Variants in LIN54 observed in about 807,000 individuals in gnomAD.
LIN54 encodes the protein lin-54 DREAM MuvB core complex component.
LIN54 carries 9 observed loss-of-function variants against 78.7 expected under a neutral mutation model. The observed-to-expected ratio is 0.11, with a 90% CI of 0.07 to 0.20. The LOEUF is 0.20. Among genes scored for constraint, LIN54 ranks in the 10% least tolerant of loss-of-function variants. The pLI, the probability that LIN54 is intolerant of heterozygous loss-of-function variation, is 1.00. For synonymous variants in LIN54, 269 were observed against 318.4 expected, an observed-to-expected ratio of 0.84 and a Z score of 1.65; for missense variants, 573 against 889.9, an observed-to-expected ratio of 0.64 and a Z score of 4.53.
At position 82,939,746 on chromosome 4, in the gene LIN54, A is replaced by G. The variant is rs1374514857; in HGVS notation, c.1243-10T>C. 1 of 1,613,972 alleles carries G rather than the reference A, an allele frequency of 6.2e-7. No homozygotes were observed. On this transcript the variant is annotated splice_polypyrimidine_tract_variant and intron_variant, in intron 6 of 12. Transcript: ENST00000340417. ...TTGGTTTTGGAACAACCTAAAAAGA[A>G]GGGACATATATCAATGACCACAAAA...
At chr4:82,940,989 GCTA>G (rs934191578) in intron 5 of LIN54, among the ~76,000 whole-genome samples, 1 of 152,114 alleles carries the variant, frequency 6.6e-6, no homozygotes, top group Non-Finnish European at 1.5e-5. Flanking sequence ...TACAACTGCT[GCTA>G]CTATATAAAT....
At chr4:82,989,141 T>G (rs949317159) in intron 1 of LIN54, among the ~76,000 whole-genome samples, 2 of 151,130 alleles carry the variant, frequency 1.3e-5, no homozygotes, top group African/African-American at 4.9e-5. Flanking sequence ...TGAGCCAAGA[T>G]CACGTCACTG....
intron 11 of LIN54, among the ~76,000 whole-genome samples, chr4:82,932,611 G>A (rs28574986): frequency 0.42 from 61,774 of 148,692 alleles, 16,185 homozygotes; most frequent in Admixed American, 0.58. Flanking sequence ...CTGAGGTCCG[G>A]AGTTCAAGAC....
intron 1 of LIN54, among the ~76,000 whole-genome samples, chr4:83,003,838 A>T (rs1009689007): frequency 4.6e-5 from 7 of 151,862 alleles, no homozygotes; most frequent in East Asian, 1.9e-4. Flanking sequence ...ATTTTTTTTT[A>T]AAAAAGAAAG....
intron 11 of LIN54, among the ~76,000 whole-genome samples, chr4:82,932,155 C>A (rs534800199): frequency 7.2e-6 from 1 of 139,856 alleles, no homozygotes; most frequent in South Asian, 2.2e-4. Context: ...AGTGCAGTGG[C>A]GCGATCTCAG....
intron 11 of LIN54, among the ~76,000 whole-genome samples, chr4:82,933,908 G>A (rs779783401): frequency 2.6e-5 from 4 of 152,266 alleles, no homozygotes; most frequent in East Asian, 3.9e-4. Flanking sequence ...TGAAAGGGTC[G>A]CTTTACCCTT....
At chr4:83,006,464 G>C (rs1034143846) in intron 1 of LIN54, among the ~76,000 whole-genome samples, 1 of 132,182 alleles carries the variant, frequency 7.6e-6, no homozygotes, top group Non-Finnish European at 1.6e-5. Flanking sequence ...AAAAAAAAAA[G>C]AAAAAAAAAA....
intron 1 of LIN54, among the ~76,000 whole-genome samples, chr4:82,989,029 A>G (rs558699958): frequency 4.7e-4 from 71 of 152,218 alleles, no homozygotes; most frequent in South Asian, 8.3e-4. Context: ...TCTATTAAAA[A>G]TACAAAAAAT....
chr4:82,993,502 G>A (rs1008639492), intron 1 of LIN54, among the ~76,000 whole-genome samples: 4 of 151,994 alleles, frequency 2.6e-5, no homozygotes, highest in African/African-American at 9.7e-5. Context: ...ACAGCGGTGA[G>A]CCACCGCGCC....
chr4:82,983,007 GTT>G (rs66577460), intron 2 of LIN54, among the ~76,000 whole-genome samples: 178 of 116,942 alleles, frequency 1.5e-3, no homozygotes, highest in East Asian at 0.011. Flanking sequence ...TGCATTTCTT[GTT>G]TTTTTTTTTT....
chr4:83,004,825 C>G (rs1295261146), intron 1 of LIN54, among the ~76,000 whole-genome samples: 1 of 152,132 alleles, frequency 6.6e-6, no homozygotes, highest in African/African-American at 2.4e-5. Context: ...AAAACAACAT[C>G]ATCCATCACC....
At chr4:82,929,722 C>T (rs1165675534) in intron 12 of LIN54, among the ~76,000 whole-genome samples, 3 of 151,978 alleles carry the variant, frequency 2.0e-5, no homozygotes, top group Admixed American at 6.6e-5. Context: ...AGGAGAATTG[C>T]TTAAACCCAG....
intron 2 of LIN54, among the ~76,000 whole-genome samples, chr4:82,982,406 T>A (rs182512450): frequency 4.7e-4 from 72 of 152,200 alleles, no homozygotes; most frequent in Non-Finnish European, 9.0e-4. Context: ...TTTTTTGTAT[T>A]TTTGGTAGAA....
At chr4:82,933,307 T>C (rs1320688010) in intron 11 of LIN54, among the ~76,000 whole-genome samples, 4 of 150,880 alleles carry the variant, frequency 2.7e-5, no homozygotes, top group African/African-American at 9.7e-5. Flanking sequence ...AAGACATTAA[T>C]AGTGTCTAAC....
At position 82,926,916 on chromosome 4, in the gene LIN54, G is replaced by T. The variant is rs1721514718; in HGVS notation, c.*1186C>A. The T allele has an allele frequency of 6.6e-6, 1 of 152,214 alleles. No homozygotes were observed. The highest frequency in any genetic ancestry group is 1.5e-5 in the Non-Finnish European group (1 of 68,096). The allele number at this position is 152,214 out of a possible 1,614,324, so 9.4% of individuals were successfully genotyped here. Reference sequence around the variant, plus strand: ...TAATCCCAGCACTTTGGGAGGCCGAGGCGGGCGAATCACGAGGTCAGGAGA... The same window carrying T: ...TAATCCCAGCACTTTGGGAGGCCGATGCGGGCGAATCACGAGGTCAGGAGA... On this transcript the variant is annotated 3_prime_UTR_variant, in exon 13 of 13. Coordinates refer to ENST00000340417, the MANE Select transcript of LIN54 (RefSeq NM_194282.4).
intron 4 of LIN54, among the ~76,000 whole-genome samples, chr4:82,970,098 T>C (rs957820902): frequency 2.0e-5 from 3 of 152,242 alleles, no homozygotes; most frequent in African/African-American, 7.2e-5. Context: ...CACATTCATA[T>C]GGGCTATGGA....
intron 4 of LIN54, among the ~76,000 whole-genome samples, chr4:82,963,209 T>C (rs531789445): frequency 2.0e-5 from 3 of 152,258 alleles, no homozygotes; most frequent in Non-Finnish European, 4.4e-5. Context: ...ATCTTTAAAG[T>C]ACTCGCAGAA....
intron 4 of LIN54, among the ~76,000 whole-genome samples, chr4:82,961,609 T>C (rs72925247): frequency 0.016 from 2,444 of 152,230 alleles, 71 homozygotes; most frequent in African/African-American, 0.055. Context: ...TTGCATAGAC[T>C]CTCAAAAGTA....
intron 5 of LIN54, among the ~76,000 whole-genome samples, chr4:82,942,190 A>G (rs1334506398): frequency 6.6e-6 from 1 of 152,184 alleles, no homozygotes. Context: ...AAAGACAAAA[A>G]AGCTGAGAGT....
Sources: gnomAD v4.1 joint callset for allele counts (sites outside exome capture counted in the v4.1 genomes callset) on GRCh38, gnomAD v4.1.1 for gene constraint, MANE v1.5 for transcripts, NCBI Gene and HGNC (gene_info 2026-07-23, HGNC 2026-07-21) for gene names.